The following LHFPL3 variants were observed in gnomAD, a reference collection of about 807,000 sequenced individuals.
LHFPL3 encodes the protein LHFPL tetraspan subfamily member 3 protein.
A neutral mutation model predicts 19.3 loss-of-function variants in LHFPL3; 5 were observed. The observed-to-expected ratio is 0.26, with a 90% CI of 0.14 to 0.54. LHFPL3 has a LOEUF of 0.54. Among genes scored for constraint, LHFPL3 ranks in the 20% least tolerant of loss-of-function variants. LHFPL3 has a pLI of 0.94. For synonymous variants in LHFPL3, 133 were observed against 126.2 expected (o/e 1.05, Z -0.36); for missense variants, 249 against 307.4 (o/e 0.81, Z 1.42).
At chr7:104,867,624 G>A (rs1483803746) in intron 2 of LHFPL3, among the ~76,000 whole-genome samples, 1 of 152,130 alleles carries the variant, frequency 6.6e-6, no homozygotes, top group East Asian at 1.9e-4. Flanking sequence ...ACCAGATGGA[G>A]TCACAGCTGA....
At chr7:104,829,780 ACG>A (rs1790912564) in intron 2 of LHFPL3, among the ~76,000 whole-genome samples, 1 of 151,944 alleles carries the variant, frequency 6.6e-6, no homozygotes, top group Non-Finnish European at 1.5e-5. Context: ...GAATAGTGCC[ACG>A]ATAAACATAC....
At chr7:104,902,480 G>T (rs1050907560) in intron 2 of LHFPL3, among the ~76,000 whole-genome samples, 1 of 151,628 alleles carries the variant, frequency 6.6e-6, no homozygotes, top group Non-Finnish European at 1.5e-5. Flanking sequence ...AGGAATGAAG[G>T]ACTGACTAAT....
chr7:104,492,305 C>T (rs1001082911), intron 1 of LHFPL3, among the ~76,000 whole-genome samples: 6 of 152,180 alleles, frequency 3.9e-5, no homozygotes, highest in Middle Eastern at 3.2e-3. Flanking sequence ...AGCAACAGAA[C>T]GGTGGCACTC....
intron 1 of LHFPL3, among the ~76,000 whole-genome samples, chr7:104,435,038 C>A (rs57372858): frequency 1.3e-5 from 2 of 151,756 alleles, no homozygotes; most frequent in Non-Finnish European, 2.9e-5. Context: ...AGTTGTGACC[C>A]GCCCCCCTTA....
chr7:104,585,120 G>C (rs1790540078), intron 1 of LHFPL3, among the ~76,000 whole-genome samples: 1 of 151,812 alleles, frequency 6.6e-6, no homozygotes, highest in Non-Finnish European at 1.5e-5. Context: ...CAGCACTCTT[G>C]AGTAATCTTC....
chr7:104,603,832 C>T (rs1369247267), intron 1 of LHFPL3, among the ~76,000 whole-genome samples: 1 of 152,248 alleles, frequency 6.6e-6, no homozygotes, highest in Non-Finnish European at 1.5e-5. Flanking sequence ...CTATGCCCCA[C>T]ATGCTGGGCA....
intron 1 of LHFPL3, among the ~76,000 whole-genome samples, chr7:104,686,561 C>T (rs755421033): frequency 5.3e-5 from 8 of 152,122 alleles, no homozygotes; most frequent in Non-Finnish European, 1.2e-4. Flanking sequence ...CTGGTGGACA[C>T]CTGCTGGGTG....
intron 1 of LHFPL3, among the ~76,000 whole-genome samples, chr7:104,381,072 CAG>C (rs1244255957): frequency 5.3e-5 from 8 of 151,976 alleles, no homozygotes; most frequent in Non-Finnish European, 1.0e-4. Flanking sequence ...TCGCAAAAGA[CAG>C]AATGCAAAGG....
chr7:104,833,025 G>T (rs370096787), intron 2 of LHFPL3, among the ~76,000 whole-genome samples: 4 of 17,336 alleles, frequency 2.3e-4, no homozygotes, highest in African/African-American at 4.8e-4. Flanking sequence ...ATATATAATA[G>T]ATATATTATA....
intron 1 of LHFPL3, among the ~76,000 whole-genome samples, chr7:104,384,950 A>C (rs1790907922): frequency 6.6e-6 from 1 of 152,134 alleles, no homozygotes; most frequent in Admixed American, 6.5e-5. Context: ...GGTAAGGAGC[A>C]ATCAGGAAAT....
intron 1 of LHFPL3, among the ~76,000 whole-genome samples, chr7:104,569,260 G>T (rs1790181538): frequency 6.6e-6 from 1 of 152,122 alleles, no homozygotes; most frequent in African/African-American, 2.4e-5. Flanking sequence ...TTGTTTTTAT[G>T]ACTGTGTCCT....
chr7:104,620,358 G>A (rs73715143), intron 1 of LHFPL3, among the ~76,000 whole-genome samples: 97 of 152,302 alleles, frequency 6.4e-4, no homozygotes, highest in African/African-American at 2.1e-3. Flanking sequence ...AAGAGTTTTA[G>A]ATAGAACAAT....
At chr7:104,429,448 C>T (rs776859909) in intron 1 of LHFPL3, among the ~76,000 whole-genome samples, 14 of 151,184 alleles carry the variant, frequency 9.3e-5, no homozygotes, top group African/African-American at 2.4e-4. Context: ...GCTGAGATTA[C>T]GGGTGCCCAC....
intron 2 of LHFPL3, among the ~76,000 whole-genome samples, chr7:104,855,524 T>C (rs973471630): frequency 2.0e-5 from 3 of 152,182 alleles, no homozygotes; most frequent in Non-Finnish European, 2.9e-5. Context: ...TCCTGAAATG[T>C]CAGACTAGAG....
intron 1 of LHFPL3, among the ~76,000 whole-genome samples, chr7:104,704,979 A>C (rs746629990): frequency 4.6e-5 from 7 of 152,190 alleles, no homozygotes; most frequent in Non-Finnish European, 7.3e-5. Context: ...GAGACTATAG[A>C]TAATGTCCTA....
intron 1 of LHFPL3, among the ~76,000 whole-genome samples, chr7:104,605,763 G>C (rs1244799635): frequency 2.0e-5 from 3 of 151,644 alleles, no homozygotes; most frequent in Non-Finnish European, 4.4e-5. Flanking sequence ...ATAAAGTAAA[G>C]TTTACCACTG....
At chr7:104,591,024 GT>G (rs1356568582) in intron 1 of LHFPL3, among the ~76,000 whole-genome samples, 1 of 152,064 alleles carries the variant, frequency 6.6e-6, no homozygotes, top group Non-Finnish European at 1.5e-5. Context: ...CATAAGATGG[GT>G]CTCCCGAATA....
intron 1 of LHFPL3, among the ~76,000 whole-genome samples, chr7:104,387,732 G>A (rs1047047333): frequency 2.0e-5 from 3 of 152,134 alleles, no homozygotes; most frequent in Admixed American, 2.0e-4. Context: ...CCTCCAAGTA[G>A]GATAAACTCA....
At chr7:104,338,077 C>CTTTATTTT (rs1789865792) in intron 1 of LHFPL3, among the ~76,000 whole-genome samples, 2 of 140,634 alleles carry the variant, frequency 1.4e-5, no homozygotes, top group African/African-American at 2.6e-5. Flanking sequence ...CTTATGATAC[C>CTTTATTTT]TTTATTTTCC....
Sources: gnomAD v4.1 joint callset for allele counts (sites outside exome capture counted in the v4.1 genomes callset) on GRCh38, gnomAD v4.1.1 for gene constraint, MANE v1.5 for transcripts, NCBI Gene and HGNC (gene_info 2026-07-23, HGNC 2026-07-21) for gene names.